The following SOS1 variants were observed in gnomAD, a reference collection of about 807,000 sequenced individuals.
SOS1 encodes the protein SOS Ras/Rac guanine nucleotide exchange factor 1, also known as son of sevenless homolog 1.
In SOS1, 25 loss-of-function variants were observed where a neutral mutation model predicts 157.6. The ratio of observed to expected loss-of-function variants is 0.16; its 90% CI spans 0.12 to 0.22. SOS1 has a LOEUF of 0.22. SOS1 is among the 10% of genes least tolerant of loss of function. SOS1 has a pLI of 1.00. For synonymous variants in SOS1, 528 were observed against 534.0 expected, an observed-to-expected ratio of 0.99 and a Z score of 0.16; for missense variants, 1,237 against 1,599.1, an observed-to-expected ratio of 0.77 and a Z score of 3.86.
intron 1 of SOS1, chr2:39,098,259 A>C: frequency 4.1e-6 from 1 of 242,034 alleles, no homozygotes; most frequent in Non-Finnish European, 8.5e-6. Flanking sequence ...TCTCCAACTT[A>C]CATGTTAACT....
intron 1 of SOS1, among the ~76,000 whole-genome samples, chr2:39,073,147 C>G (rs1240330887): frequency 6.6e-6 from 1 of 152,160 alleles, no homozygotes; most frequent in African/African-American, 2.4e-5. Context: ...TCAAATGATC[C>G]AAGTTATTTA....
At chr2:39,059,221 C>T (rs922723537) in intron 2 of SOS1, among the ~76,000 whole-genome samples, 1 of 152,132 alleles carries the variant, frequency 6.6e-6, no homozygotes, top group African/African-American at 2.4e-5. Context: ...CAATTGAAAC[C>T]TCTATGAATA....
intron 10 of SOS1, among the ~76,000 whole-genome samples, chr2:39,021,329 A>G (rs1398089623): frequency 1.3e-5 from 2 of 151,636 alleles, no homozygotes; most frequent in Non-Finnish European, 3.0e-5. Flanking sequence ...CAATAGTTGT[A>G]ACCATTCTTC....
intron 1 of SOS1, among the ~76,000 whole-genome samples, chr2:39,071,271 A>T (rs1671783225): frequency 6.6e-6 from 1 of 152,192 alleles, no homozygotes; most frequent in Non-Finnish European, 1.5e-5. Context: ...GCCTCTTTCC[A>T]CTAAACCCTT....
Position 39,120,519 on chromosome 2 carries a change from GCCCCACCGGACGGCCCGGC to G in SOS1, c.-116_-98del, listed in dbSNP as rs892577538. 87 of 1,167,930 alleles carry G rather than the reference GCCCCACCGGACGGCCCGGC, an allele frequency of 7.4e-5. No individual in the cohort carries two copies. Among genetic ancestry groups the G allele is most frequent in the Middle Eastern group, 3.5e-4 (1 of 2,850 alleles). The allele number at this position is 1,167,930 out of a possible 1,614,324, so 72.3% of individuals were successfully genotyped here. A position where few individuals can be genotyped will look rare whatever the true frequency, so the allele number is the denominator to read the frequency against. On this transcript the variant is annotated 5_prime_UTR_variant, in exon 1 of 23. Coordinates refer to ENST00000402219, the MANE Select transcript of SOS1 (RefSeq NM_005633.4). ...GCTCGCAGCGCGGAACAGGGCCGCG[GCCCCACCGGACGGCCCGGC>G]CCCCTCCGGGCGCCGCGCAGCCGGG... is the stretch of plus-strand genomic sequence containing the variant.
At chr2:39,046,004 G>A (rs982926854) in intron 6 of SOS1, among the ~76,000 whole-genome samples, 7 of 152,048 alleles carry the variant, frequency 4.6e-5, no homozygotes, top group Admixed American at 1.3e-4. Context: ...GAGCCATTGC[G>A]CCAGGCCTAA....
chr2:39,046,901 A>G (rs1276616701), intron 6 of SOS1, among the ~76,000 whole-genome samples: 3 of 152,174 alleles, frequency 2.0e-5, no homozygotes, highest in Non-Finnish European at 2.9e-5. Flanking sequence ...GCATCTTATA[A>G]TGAGTGTCTA....
At chr2:39,065,190 A>G (rs1209064018) in intron 2 of SOS1, among the ~76,000 whole-genome samples, 1 of 152,212 alleles carries the variant, frequency 6.6e-6, no homozygotes, top group Non-Finnish European at 1.5e-5. Context: ...AGTGTATTAA[A>G]GAAATACCGA....
rs562675293 is a variant in SOS1 at position 38,984,947 on chromosome 2, C to G, written c.*877G>C. 1 of 152,252 alleles carries G rather than the reference C, an allele frequency of 6.6e-6. No individual in the cohort carries two copies. The highest frequency in any genetic ancestry group is 1.9e-4 in the East Asian group (1 of 5,184). 9.4% of individuals were successfully genotyped at this position (152,252 alleles called of 1,614,324 possible). On this transcript the variant is annotated 3_prime_UTR_variant, in exon 23 of 23. Coordinates refer to ENST00000402219, the MANE Select transcript of SOS1 (RefSeq NM_005633.4). ...TTCCATGGTATGGTTAGAGGGATAG[C>G]TACGAGCCATGACATGGACTACCAG...
intron 4 of SOS1, among the ~76,000 whole-genome samples, chr2:39,055,494 A>G (rs767240583): frequency 6.6e-5 from 10 of 152,096 alleles, no homozygotes; most frequent in Non-Finnish European, 1.2e-4. Flanking sequence ...AAAATATTTT[A>G]TTTATCTGAT....
intron 20 of SOS1, among the ~76,000 whole-genome samples, chr2:38,991,963 TA>T (rs549815926): frequency 7.2e-5 from 11 of 151,890 alleles, no homozygotes; most frequent in East Asian, 5.8e-4. Context: ...TTATAACTGA[TA>T]AAAAAAAATT....
intron 6 of SOS1, among the ~76,000 whole-genome samples, chr2:39,047,685 C>G (rs1187820359): frequency 1.3e-5 from 2 of 152,088 alleles, no homozygotes; most frequent in African/African-American, 4.8e-5. Context: ...GGGTTGTTTT[C>G]TTTTCCAGAC....
intron 2 of SOS1, among the ~76,000 whole-genome samples, chr2:39,065,763 T>C (rs756639781): frequency 9.2e-5 from 14 of 152,202 alleles, no homozygotes; most frequent in South Asian, 2.1e-4. Flanking sequence ...TGTGCTTCAG[T>C]TGAATCATTC....
chr2:39,072,267 G>A (rs1415918673), intron 1 of SOS1, among the ~76,000 whole-genome samples: 1 of 151,992 alleles, frequency 6.6e-6, no homozygotes, highest in East Asian at 1.9e-4. Context: ...AACTGGGCAG[G>A]GCTTTATGTA....
chr2:39,095,148 T>C (rs959084031), intron 1 of SOS1, among the ~76,000 whole-genome samples: 39 of 152,346 alleles, frequency 2.6e-4, no homozygotes, highest in African/African-American at 7.9e-4. Flanking sequence ...TCAAATTTGC[T>C]GCTTGCAAAA....
At chr2:39,065,539 G>T (rs1392588789) in intron 2 of SOS1, among the ~76,000 whole-genome samples, 1 of 152,200 alleles carries the variant, frequency 6.6e-6, no homozygotes, top group South Asian at 2.1e-4. Flanking sequence ...CTCTTTCTCT[G>T]ATCTCAATCT....
At chr2:39,040,788 A>G (rs955836616) in intron 6 of SOS1, among the ~76,000 whole-genome samples, 4 of 152,218 alleles carry the variant, frequency 2.6e-5, no homozygotes, top group Non-Finnish European at 5.9e-5. Flanking sequence ...TATTGTGAAT[A>G]ATGCTGCTAT....
intron 1 of SOS1, among the ~76,000 whole-genome samples, chr2:39,119,919 C>T (rs917189114): frequency 6.6e-6 from 1 of 152,148 alleles, no homozygotes; most frequent in Non-Finnish European, 1.5e-5. Context: ...AGCCTTACGG[C>T]CAGGGCATTC....
At chr2:39,042,225 G>T (rs1670596010) in intron 6 of SOS1, among the ~76,000 whole-genome samples, 1 of 151,950 alleles carries the variant, frequency 6.6e-6, no homozygotes, top group African/African-American at 2.4e-5. Flanking sequence ...CCTCAAAATT[G>T]TTATTTTTGC....
Sources: gnomAD v4.1 joint callset for allele counts (sites outside exome capture counted in the v4.1 genomes callset) on GRCh38, gnomAD v4.1.1 for gene constraint, MANE v1.5 for transcripts, NCBI Gene and HGNC (gene_info 2026-07-23, HGNC 2026-07-21) for gene names.